The following MCUB variants were observed in gnomAD, a reference collection of about 807,000 sequenced individuals.
MCUB encodes the protein mitochondrial calcium uniporter dominant negative subunit beta.
In MCUB, 46 loss-of-function variants were observed where a neutral mutation model predicts 41.4. That is an observed-to-expected ratio of 1.11 (90% confidence interval 0.88 to 1.42). MCUB has a LOEUF of 1.42. Among genes scored for constraint, MCUB ranks in the 40% most tolerant of loss-of-function variants. The pLI, the probability that MCUB is intolerant of heterozygous loss-of-function variation, is 0.00. For missense variants in MCUB, 403 were observed against 404.9 expected, an observed-to-expected ratio of 1.00 and a Z score of 0.04; for synonymous variants, 148 against 148.2, an observed-to-expected ratio of 1.00 and a Z score of 0.01.
At chr4:109,619,038 A>G (rs12507906) in intron 1 of MCUB, among the ~76,000 whole-genome samples, 4,990 of 84,934 alleles carry the variant, frequency 0.059, 141 homozygotes, top group African/African-American at 0.12. Context: ...CTGCCTACCT[A>G]CCTACCTACC....
At chr4:109,649,190 A>G (rs1728906112) in intron 1 of MCUB, among the ~76,000 whole-genome samples, 1 of 152,158 alleles carries the variant, frequency 6.6e-6, no homozygotes, top group African/African-American at 2.4e-5. Context: ...GTTTACATTT[A>G]TTGTGATATC....
intron 1 of MCUB, among the ~76,000 whole-genome samples, chr4:109,633,385 A>C (rs1037296936): frequency 6.6e-6 from 1 of 151,996 alleles, no homozygotes; most frequent in African/African-American, 2.4e-5. Flanking sequence ...GTCCTGCCTC[A>C]GCCTCCTGAG....
intron 1 of MCUB, among the ~76,000 whole-genome samples, chr4:109,614,038 C>A (rs1728074463): frequency 6.6e-6 from 1 of 152,156 alleles, no homozygotes; most frequent in South Asian, 2.1e-4. Flanking sequence ...GTATCCACCA[C>A]CACAACCAGA....
At chr4:109,643,054 A>G (rs530892944) in intron 1 of MCUB, among the ~76,000 whole-genome samples, 6 of 151,778 alleles carry the variant, frequency 4.0e-5, no homozygotes, top group African/African-American at 1.5e-4. Flanking sequence ...TGGCCTCCCA[A>G]AGTGCTGGGA....
intron 1 of MCUB, among the ~76,000 whole-genome samples, chr4:109,581,504 A>G (rs1452984187): frequency 6.6e-6 from 1 of 152,098 alleles, no homozygotes; most frequent in African/African-American, 2.4e-5. Context: ...ACCACAGGCA[A>G]TGGCAACAAA....
chr4:109,566,135 C>T (rs977547227), intron 1 of MCUB, among the ~76,000 whole-genome samples: 2 of 150,598 alleles, frequency 1.3e-5, no homozygotes, highest in Non-Finnish European at 3.0e-5. Flanking sequence ...GGATTACAGG[C>T]GTGAGCCACT....
intron 1 of MCUB, among the ~76,000 whole-genome samples, chr4:109,620,170 A>G (rs1035338912): frequency 6.6e-6 from 1 of 152,164 alleles, no homozygotes; most frequent in Admixed American, 6.5e-5. Context: ...TTACAGGCAC[A>G]ACCAATGTCA....
chr4:109,597,355 C>T (rs1319176739), intron 1 of MCUB, among the ~76,000 whole-genome samples: 7 of 142,526 alleles, frequency 4.9e-5, no homozygotes, highest in Non-Finnish European at 7.8e-5. Flanking sequence ...GCTGGCCGGG[C>T]GGGGGGCTGA....
chr4:109,655,228 T>G (rs1729064771), intron 1 of MCUB, among the ~76,000 whole-genome samples: 1 of 152,222 alleles, frequency 6.6e-6, no homozygotes, highest in South Asian at 2.1e-4. Flanking sequence ...GTTTTCACTG[T>G]TGGGAGGTCC....
At chr4:109,629,825 T>A (rs1470122694) in intron 1 of MCUB, among the ~76,000 whole-genome samples, 1 of 152,190 alleles carries the variant, frequency 6.6e-6, no homozygotes, top group East Asian at 1.9e-4. Context: ...TCCTTTTGGA[T>A]TTTTAGGGAA....
intron 1 of MCUB, among the ~76,000 whole-genome samples, chr4:109,579,407 GC>G (rs200074560): frequency 0.031 from 4,781 of 152,028 alleles, 267 homozygotes; most frequent in African/African-American, 0.11. Context: ...ATGCCACCAC[GC>G]CCAGCTAATT....
At position 109,577,735 on chromosome 4, in the gene MCUB, C is replaced by T. The variant is rs551653036; in HGVS notation, c.99+17299C>T. ...ACGCCATTCTCCTGCCTCAGCCTCC[C>T]GAGTAGCTGGGACTACAGGCGCCCG... is the stretch of plus-strand genomic sequence containing the variant. On this transcript the variant is annotated intron_variant, in intron 1 of 7. Transcript: ENST00000394650. Among the ~76,000 whole-genome samples, 125 of 79,812 alleles carry T rather than the reference C, an allele frequency of 1.6e-3. 45 individuals carry two copies. The highest frequency in any genetic ancestry group is 2.6e-3 in the Non-Finnish European group (97 of 37,818). 52.4% of individuals were successfully genotyped at this position (79,812 alleles called of 152,430 possible).
In MCUB at chr4:109,668,087, G is replaced by A. The variant is rs548886442; in HGVS notation, c.451+3693G>A. Among the ~76,000 whole-genome samples the A allele has an allele frequency of 3.9e-5, 6 of 152,082 alleles. No individual in the cohort carries two copies. In the East Asian group the frequency reaches 1.2e-3, roughly 29 times the overall value. Reference sequence around the variant, plus strand: ...GATCTGTCTTGATGAGATGTTCCCTGTGAACTTGAGAATGTGTATTGTGCT... The same window carrying A: ...GATCTGTCTTGATGAGATGTTCCCTATGAACTTGAGAATGTGTATTGTGCT... On this transcript the variant is annotated intron_variant, in intron 4 of 7. Transcript: ENST00000394650.
intron 1 of MCUB, among the ~76,000 whole-genome samples, chr4:109,603,515 C>T (rs1727794262): frequency 6.6e-6 from 1 of 152,234 alleles, no homozygotes; most frequent in Non-Finnish European, 1.5e-5. Flanking sequence ...GCCCGGCCGC[C>T]ACCCCGTCTA....
chr4:109,628,086 A>G (rs1260318576), intron 1 of MCUB, among the ~76,000 whole-genome samples: 1 of 152,152 alleles, frequency 6.6e-6, no homozygotes, highest in Non-Finnish European at 1.5e-5. Context: ...CAGGAGCAAC[A>G]TTGGGTAGGA....
chr4:109,640,677 C>T (rs1210452226), intron 1 of MCUB, among the ~76,000 whole-genome samples: 1 of 152,204 alleles, frequency 6.6e-6, no homozygotes, highest in African/African-American at 2.4e-5. Flanking sequence ...GAGAGTTAGA[C>T]CTTGCTCTGG....
intron 1 of MCUB, among the ~76,000 whole-genome samples, chr4:109,582,373 G>A (rs1727199900): frequency 9.4e-6 from 1 of 106,088 alleles, no homozygotes; most frequent in Non-Finnish European, 1.7e-5. Context: ...TCTGGGGCCT[G>A]TTGTGGGGTG....
intron 1 of MCUB, among the ~76,000 whole-genome samples, chr4:109,623,774 T>C (rs1288059060): frequency 6.6e-6 from 1 of 152,234 alleles, no homozygotes; most frequent in African/African-American, 2.4e-5. Context: ...TCAGCATTGT[T>C]CGAAGACTGG....
In MCUB at chr4:109,687,518, A is replaced by G; in HGVS notation, c.937A>G (p.Lys313Glu). 1 of 1,609,390 alleles carries G rather than the reference A, an allele frequency of 6.2e-7. No individual in the cohort carries two copies. ...CTTTTTCTTTTTCCCATGACAGGCT[A>G]AAGAATCCCTGAAACAGGCGCGTCA... is the stretch of plus-strand genomic sequence containing the variant. ...NKLKEDLAKA[K>E]ESLKQARHSL... The change falls in exon 8 of 8, where the codon AAA becomes GAA. Residue 313 changes from lysine to glutamate, a missense_variant. Transcript: ENST00000394650.
Sources: gnomAD v4.1 joint callset for allele counts (sites outside exome capture counted in the v4.1 genomes callset) on GRCh38, gnomAD v4.1.1 for gene constraint, MANE v1.5 for transcripts, NCBI Gene and HGNC (gene_info 2026-07-23, HGNC 2026-07-21) for gene names.